The following SH2D6 variants were observed in gnomAD, a reference collection of about 807,000 sequenced individuals.
SH2D6 encodes SH2 domain containing 6.
In SH2D6, 31 loss-of-function variants were observed where a neutral mutation model predicts 30.2. The observed-to-expected ratio is 1.03, with a 90% CI of 0.77 to 1.38. SH2D6 has a LOEUF of 1.38. Ranked by LOEUF, SH2D6 falls within the 40% of genes most tolerant of loss-of-function variation. SH2D6 has a pLI of 0.00. For missense variants in SH2D6, 240 were observed against 266.8 expected, an observed-to-expected ratio of 0.90 and a Z score of 0.70; for synonymous variants, 93 against 104.6, an observed-to-expected ratio of 0.89 and a Z score of 0.68.
intron 2 of SH2D6, among the ~76,000 whole-genome samples, chr2:85,420,317 A>G (rs1020627399): frequency 1.3e-5 from 2 of 152,112 alleles, no homozygotes; most frequent in African/African-American, 4.8e-5. Flanking sequence ...ACGGGGTTTC[A>G]CCATGTTGGC....
intron 20 of SH2D6, 92 bp from the exon 21 acceptor site, chr2:85,435,321 T>C (rs1230521009): frequency 1.4e-6 from 2 of 1,417,114 alleles, no homozygotes; most frequent in African/African-American, 1.4e-5. Flanking sequence ...GCATAGGAGA[T>C]GGGAACATAA....
intron 2 of SH2D6, among the ~76,000 whole-genome samples, chr2:85,420,137 C>T (rs1048994396): frequency 3.3e-5 from 5 of 152,172 alleles, no homozygotes; most frequent in African/African-American, 1.2e-4. Context: ...CAGAGTCTCG[C>T]TCTGTCTCCC....
At chr2:85,421,348 A>C (rs1305997045) in intron 2 of SH2D6, 1 of 152,298 alleles carries the variant, frequency 6.6e-6, no homozygotes, top group Non-Finnish European at 1.5e-5. Flanking sequence ...TTCAGCAGAT[A>C]AACAGCCGGG....
At chr2:85,436,391 T>A in intron 22 of SH2D6, 75 bp from the exon 23 acceptor site, 1 of 1,073,982 alleles carries the variant, frequency 9.3e-7, no homozygotes, top group Non-Finnish European at 1.4e-6. Context: ...CTTGCCAGAG[T>A]CCCACAGTTG....
At chr2:85,424,894 C>T (rs562310543) in intron 5 of SH2D6, among the ~76,000 whole-genome samples, 2 of 152,104 alleles carry the variant, frequency 1.3e-5, no homozygotes, top group South Asian at 2.1e-4. Context: ...AGTGAAACCC[C>T]GTCTGTACTA....
chr2:85,426,607 AGT>A (rs1688070733), intron 6 of SH2D6, among the ~76,000 whole-genome samples: 2 of 152,202 alleles, frequency 1.3e-5, no homozygotes, highest in African/African-American at 4.8e-5. Flanking sequence ...AGGCTCCTAG[AGT>A]GTGGTGTGCC....
chr2:85,425,929 G>A (rs1005347670), intron 6 of SH2D6, among the ~76,000 whole-genome samples: 4 of 152,176 alleles, frequency 2.6e-5, no homozygotes, highest in East Asian at 1.9e-4. Flanking sequence ...GCACCTCAGC[G>A]GCAAGGGGAG....
chr2:85,419,641 C>G (rs1016655213), intron 2 of SH2D6, among the ~76,000 whole-genome samples: 1 of 152,230 alleles, frequency 6.6e-6, no homozygotes, highest in African/African-American at 2.4e-5. Flanking sequence ...CCATTTTCAG[C>G]TTTTACACTT....
rs1403640174 is a variant in SH2D6, at chr2:85,436,482, C to T, written c.908C>T (p.Ala303Val). ...RNREELFSSV[A>V]AMVQHFMWHP... The stretch of plus-strand genomic sequence containing the variant: ...CCTGGCCAGCTCTTCTCCTCCGTGG[C>T]GGCCATGGTCCAGCACTTCATGTGG... Residue 303 changes from alanine (A) to valine (V), a missense_variant, in exon 23 of 24, where the codon GCG becomes GTG. By Grantham distance (64) the Ala-to-Val change is moderately conservative. Coordinates refer to ENST00000469800, the MANE Select transcript of SH2D6 (RefSeq NM_001394463.1). 8 of 1,613,494 alleles carry T rather than the reference C, an allele frequency of 5.0e-6. No homozygotes were observed. The highest frequency in any genetic ancestry group is 2.2e-5 in the East Asian group (1 of 44,892).
chr2:85,428,325 T>A (rs1392472684), intron 6 of SH2D6, among the ~76,000 whole-genome samples: 2 of 152,160 alleles, frequency 1.3e-5, no homozygotes, highest in Non-Finnish European at 2.9e-5. Flanking sequence ...AGAGCTCAGG[T>A]TGAATCCCAC....
chr2:85,428,967 C>CA (rs1688301326), intron 7 of SH2D6, among the ~76,000 whole-genome samples: 1 of 152,168 alleles, frequency 6.6e-6, no homozygotes. Context: ...ATACATCCAT[C>CA]AAAAAATGAA....
At chr2:85,419,542 G>T (rs926041790) in intron 2 of SH2D6, among the ~76,000 whole-genome samples, 25 of 152,322 alleles carry the variant, frequency 1.6e-4, no homozygotes, top group African/African-American at 6.0e-4. Flanking sequence ...CTGATTTCTG[G>T]CTCCCAAGCG....
At chr2:85,427,519 T>C (rs1688150315) in intron 6 of SH2D6, among the ~76,000 whole-genome samples, 1 of 152,188 alleles carries the variant, frequency 6.6e-6, no homozygotes, top group Non-Finnish European at 1.5e-5. Flanking sequence ...CATTTGCCTA[T>C]GCAAAGCCCT....
At chr2:85,433,802 G>A (rs1347406146) in intron 16 of SH2D6, among the ~76,000 whole-genome samples, 171 bp downstream of exon 16, 1 of 152,204 alleles carries the variant, frequency 6.6e-6, no homozygotes, top group African/African-American at 2.4e-5. Context: ...CTGTGGTCCA[G>A]GCTGACCCAC....
rs779913086 is a variant in SH2D6 at position 85,434,154 on chromosome 2, G to A, written c.533+43G>A. The A allele has an allele frequency of 1.3e-5, 20 of 1,538,354 alleles. No individual in the cohort carries two copies. The South Asian group carries it at 2.3e-4, about 17-fold the overall frequency. ...TGTGCACCTGTGTGTATGTATGTGA[G>A]ACACAGAGAGAGACAGCACCCCAGT... On this transcript the variant is annotated intron_variant, in intron 17 of 23. Transcript: ENST00000469800.
In SH2D6 at chr2:85,433,105, G is replaced by T. The variant is rs1488137726; in HGVS notation, c.377G>T (p.Gly126Val). 8.1e-6 allele frequency: 8 copies of T among 985,844 alleles called. No homozygotes were observed. The highest frequency in any genetic ancestry group is 6.1e-5 in the Admixed American group (1 of 16,272). 61.1% of individuals were successfully genotyped at this position (985,844 alleles called of 1,614,324 possible). A position where few individuals can be genotyped will look rare whatever the true frequency, so the allele number is the denominator to read the frequency against. The change falls in exon 15 of 24, where the codon GGT becomes GTT. Residue 126 changes from glycine (G) to valine (V), a missense_variant. Transcript: ENST00000469800. ...QGPIFGRREQGASSRVVPGPP... is the reference protein window; with the variant it reads ...QGPIFGRREQVASSRVVPGPP... ...TCTCTCCTTTTCCTTTCAGAGCAGGGTGCATCGTCCAGAGTGGTGAGCAGC... is the reference window on the plus strand; with the variant it reads ...TCTCTCCTTTTCCTTTCAGAGCAGGTTGCATCGTCCAGAGTGGTGAGCAGC...
intron 2 of SH2D6, chr2:85,421,898 TC>T: frequency 6.6e-6 from 1 of 152,282 alleles, no homozygotes; most frequent in Non-Finnish European, 1.5e-5. Flanking sequence ...GCAACCACTC[TC>T]CCCCACACCC....
chr2:85,420,018 A>G (rs1286412565), intron 2 of SH2D6, among the ~76,000 whole-genome samples: 1 of 152,106 alleles, frequency 6.6e-6, no homozygotes, highest in African/African-American at 2.4e-5. Flanking sequence ...CCTAGAGAGG[A>G]GAGATAGGTA....
intron 5 of SH2D6, among the ~76,000 whole-genome samples, chr2:85,423,263 A>G (rs1272094420): frequency 7.8e-6 from 1 of 128,372 alleles, no homozygotes; most frequent in African/African-American, 3.0e-5. Context: ...CACTCTGCTC[A>G]CTCTGTCGCC....
Sources: allele counts gnomAD v4.1 joint callset (sites outside exome capture counted in the v4.1 genomes callset), GRCh38; gene constraint gnomAD v4.1.1; transcripts MANE v1.5; gene names NCBI Gene and HGNC (gene_info 2026-07-23, HGNC 2026-07-21).